STK32B: variants seen among roughly 807,000 people sequenced by gnomAD.
STK32B encodes serine/threonine kinase 32B.
A neutral mutation model predicts 52.6 loss-of-function variants in STK32B; 43 were observed. That is an observed-to-expected ratio of 0.82 (90% CI 0.64 to 1.05). The LOEUF (loss-of-function observed/expected upper bound fraction) is 1.05, where lower values mean the gene tolerates loss of function less well. Ranked by LOEUF, STK32B falls within the 50% of genes least tolerant of loss-of-function variation. The pLI is 0.00. For synonymous variants in STK32B, 238 were observed against 204.3 expected (o/e 1.17, Z -1.41); for missense variants, 621 against 534.6 (o/e 1.16, Z -1.59).
intron 3 of STK32B, among the ~76,000 whole-genome samples, chr4:5,260,466 A>C (rs1422177100): frequency 6.6e-6 from 1 of 152,202 alleles, no homozygotes; most frequent in Non-Finnish European, 1.5e-5. Flanking sequence ...CAGGCCCCTC[A>C]GGACGCAAAG....
chr4:5,129,561 C>A (rs1455279899), intron 1 of STK32B, among the ~76,000 whole-genome samples: 1 of 152,212 alleles, frequency 6.6e-6, no homozygotes, highest in African/African-American at 2.4e-5. Flanking sequence ...CCTATTCTCA[C>A]CTATTTATTC....
intron 3 of STK32B, among the ~76,000 whole-genome samples, chr4:5,227,376 C>T (rs74668071): frequency 0.044 from 6,774 of 152,250 alleles, 215 homozygotes; most frequent in Non-Finnish European, 0.071. Context: ...TAGTCACTGA[C>T]TTATTTAGAC....
At chr4:5,057,159 A>G (rs142573881) in intron 1 of STK32B, among the ~76,000 whole-genome samples, 1 of 152,348 alleles carries the variant, frequency 6.6e-6, no homozygotes, top group Non-Finnish European at 1.5e-5. Flanking sequence ...ATTGGGGGCC[A>G]ATTTCTTGCA....
At chr4:5,192,722 T>C (rs1721317484) in intron 3 of STK32B, among the ~76,000 whole-genome samples, 1 of 132,924 alleles carries the variant, frequency 7.5e-6, no homozygotes, top group African/African-American at 2.8e-5. Context: ...TCACCTTTTT[T>C]GTGTGTGGTG....
chr4:5,293,476 G>C (rs922434198), intron 3 of STK32B, among the ~76,000 whole-genome samples: 6 of 152,014 alleles, frequency 3.9e-5, no homozygotes, highest in African/African-American at 1.4e-4. Context: ...TTTAATGATT[G>C]CCGTTCTAAC....
chr4:5,202,840 G>A (rs929200149), intron 3 of STK32B, among the ~76,000 whole-genome samples: 1 of 152,224 alleles, frequency 6.6e-6, no homozygotes, highest in African/African-American at 2.4e-5. Flanking sequence ...AACTATTGAT[G>A]TGCATCTTGG....
At chr4:5,230,720 C>T (rs1448261794) in intron 3 of STK32B, among the ~76,000 whole-genome samples, 4 of 152,172 alleles carry the variant, frequency 2.6e-5, no homozygotes, top group African/African-American at 9.7e-5. Flanking sequence ...CGCCTGTGTG[C>T]ATGTACATGT....
At chr4:5,178,778 T>C (rs1307902321) in intron 3 of STK32B, among the ~76,000 whole-genome samples, 2 of 152,174 alleles carry the variant, frequency 1.3e-5, no homozygotes, top group African/African-American at 4.8e-5. Context: ...AGGCCTCTCA[T>C]CTCCATCTGA....
At position 5,468,946 on chromosome 4, in the gene STK32B, A is replaced by T. The variant is rs528854944; in HGVS notation, c.1106+876A>T. Among the ~76,000 whole-genome samples, 3 of 151,588 alleles carry T rather than the reference A, an allele frequency of 2.0e-5. No homozygotes were observed. The East Asian group carries it at 5.9e-4, about 30-fold the overall frequency. On this transcript the variant is annotated intron_variant, in intron 11 of 11. Coordinates refer to ENST00000282908, the MANE Select transcript of STK32B (RefSeq NM_018401.3). ...GCACCTGTAGTCCCAGCTACTCGGGAGGCTGAGGCAGGAGAATGGTGTGAA... is the reference window on the plus strand; with the variant it reads ...GCACCTGTAGTCCCAGCTACTCGGGTGGCTGAGGCAGGAGAATGGTGTGAA...
At chr4:5,234,098 C>T (rs1724457412) in intron 3 of STK32B, among the ~76,000 whole-genome samples, 1 of 152,212 alleles carries the variant, frequency 6.6e-6, no homozygotes, top group South Asian at 2.1e-4. Context: ...TCTGGACTAT[C>T]ATCCAGGTTC....
In STK32B at chr4:5,460,175, A is replaced by G. The variant is rs1716923316; in HGVS notation, c.856A>G (p.Met286Val). 34 of 1,614,178 alleles carry G rather than the reference A, an allele frequency of 2.1e-5. No individual in the cohort carries two copies. The highest frequency in any genetic ancestry group is 2.8e-5 in the Non-Finnish European group (33 of 1,180,030). Residue 286 changes from methionine to valine, a missense_variant, in exon 9 of 12, where the codon ATG (methionine) becomes GTG (valine). Coordinates refer to ENST00000282908, the MANE Select transcript of STK32B (RefSeq NM_018401.3). The surrounding 1 kb of genome is among the most constrained non-coding windows in gnomAD (Gnocchi z 4.8). Reference protein sequence around the residue: ...DIQSVPYLADMNWDAVFKKAL... With the variant: ...DIQSVPYLADVNWDAVFKKAL... ...ACAGAGCGTGCCCTACTTGGCCGAC[A>G]TGAACTGGGACGCGGTGTTCAAGAA... is the stretch of plus-strand genomic sequence containing the variant.
chr4:5,348,672 C>G (rs1025197448), intron 4 of STK32B, among the ~76,000 whole-genome samples: 12 of 152,328 alleles, frequency 7.9e-5, no homozygotes, highest in African/African-American at 2.6e-4. Context: ...AGTAACAGAG[C>G]TTTGGCACAG....
chr4:5,063,274 G>A (rs998346320), intron 1 of STK32B, among the ~76,000 whole-genome samples: 6 of 152,116 alleles, frequency 3.9e-5, no homozygotes, highest in Admixed American at 6.6e-5. Flanking sequence ...TGACTCAGTC[G>A]ACAAATGTGA....
rs79674612 is a variant in STK32B at position 5,332,134 on chromosome 4, C to T, written c.434+741C>T. Among the ~76,000 whole-genome samples the T allele has an allele frequency of 3.9e-3, 597 of 152,240 alleles. 2 individuals are homozygous for T. The highest frequency in any genetic ancestry group is 0.014 in the African/African-American group (572 of 41,546). On this transcript the variant is annotated intron_variant, in intron 4 of 11. Coordinates refer to ENST00000282908, the MANE Select transcript of STK32B (RefSeq NM_018401.3). ...TTGGAAAAGATGAGGACTTGAACTT[C>T]TAGGTAAAGATGACAGATTAAGCAT... is the stretch of plus-strand genomic sequence containing the variant.
chr4:5,281,860 A>G (rs1267599917), intron 3 of STK32B, among the ~76,000 whole-genome samples: 3 of 152,186 alleles, frequency 2.0e-5, no homozygotes, highest in Non-Finnish European at 4.4e-5. Flanking sequence ...TAATGGCTAT[A>G]CCATTTATTT....
intron 5 of STK32B, among the ~76,000 whole-genome samples, chr4:5,410,219 G>T (rs1384415126): frequency 6.6e-6 from 1 of 152,188 alleles, no homozygotes; most frequent in Non-Finnish European, 1.5e-5. Flanking sequence ...AGGGGAGGGA[G>T]CTGAAGGGCC....
chr4:5,494,780 A>C (rs927887496), intron 11 of STK32B, among the ~76,000 whole-genome samples: 3 of 152,164 alleles, frequency 2.0e-5, no homozygotes, highest in South Asian at 2.1e-4. Flanking sequence ...GATGGTGACA[A>C]AATCTCTCAG....
At chr4:5,078,074 A>G (rs1420804065) in intron 1 of STK32B, among the ~76,000 whole-genome samples, 1 of 152,086 alleles carries the variant, frequency 6.6e-6, no homozygotes, top group Non-Finnish European at 1.5e-5. Context: ...AGCTCCCACA[A>G]ATCCCCATAC....
chr4:5,063,921 T>TGA (rs1742312609), intron 1 of STK32B, among the ~76,000 whole-genome samples: 1 of 152,166 alleles, frequency 6.6e-6, no homozygotes, highest in African/African-American at 2.4e-5. Context: ...TGAAGTGTCT[T>TGA]TATATATTCA....
Sources: allele counts gnomAD v4.1 joint callset (sites outside exome capture counted in the v4.1 genomes callset), GRCh38; gene constraint gnomAD v4.1.1; non-coding constraint Gnocchi (gnomAD v3.1); transcripts MANE v1.5; gene names NCBI Gene and HGNC (gene_info 2026-07-23, HGNC 2026-07-21).